Variants in SPOCD1 observed in about 807,000 individuals in gnomAD.
SPOCD1 encodes SPOC domain-containing protein 1.
A neutral mutation model predicts 92.2 loss-of-function variants in SPOCD1; 64 were observed. That is an observed-to-expected ratio of 0.69 (90% CI 0.57 to 0.86). The LOEUF (loss-of-function observed/expected upper bound fraction) is 0.86, where lower values mean the gene tolerates loss of function less well. SPOCD1 is among the 40% of genes least tolerant of loss of function. The pLI, the probability that SPOCD1 is intolerant of heterozygous loss-of-function variation, is 0.00. For synonymous variants in SPOCD1, 578 were observed against 619.3 expected (o/e 0.93, Z 0.99); for missense variants, 1,360 against 1,543.1 (o/e 0.88, Z 1.99).
At position 31,799,468 on chromosome 1, in the gene SPOCD1, TCTC is replaced by T. The variant is rs1321951210; in HGVS notation, c.1798_1800del (p.Glu600del). ...CGCACCCCAATATACAGGGATGGCT[TCTC>T]CTGTTGGAGCTGAGCTGTAGGGAGA... On this transcript the variant is annotated inframe_deletion, in exon 7 of 16. Coordinates refer to ENST00000360482, the MANE Select transcript of SPOCD1 (RefSeq NM_144569.7). The T allele has an allele frequency of 1.2e-6, 2 of 1,611,582 alleles. No homozygotes were observed. Among genetic ancestry groups the T allele is most frequent in the South Asian group, 2.2e-5 (2 of 90,444 alleles).
chr1:31,814,125 A>T lies in SPOCD1; in HGVS notation c.1209T>A (p.Thr403=), dbSNP rs1649381890. Residue 403 remains threonine, a synonymous_variant, in exon 2 of 16, where the codon ACT becomes ACA. Transcript: ENST00000360482. The surrounding 1 kb of genome is among the most constrained non-coding windows in gnomAD (Gnocchi z 4.2). ...GGCCTGAGCAGGCCCTGCTGGCTTC[A>T]GTATCCAGGGAGGAGCTGAGGCCGC... is the stretch of plus-strand genomic sequence containing the variant. ...PLGGLSSSLD[T]EASRACSGPF... 1 of 1,607,482 alleles carries T rather than the reference A, an allele frequency of 6.2e-7. No homozygotes were observed. Among genetic ancestry groups the T allele is most frequent in the African/African-American group, 1.3e-5 (1 of 74,812 alleles).
Position 31,800,565 on chromosome 1 carries a change from G to A in SPOCD1, c.1478C>T (p.Ala493Val), listed in dbSNP as rs1648386603. Residue 493 changes from alanine (A) to valine (V), a missense_variant, in exon 4 of 16, where the codon GCA becomes GTA. Physicochemically the swap from Ala to Val is moderately conservative, Grantham distance 64. Coordinates refer to ENST00000360482, the MANE Select transcript of SPOCD1 (RefSeq NM_144569.7). ...QLLGAISHGQ[A>V]GGQLPPKLEV... The stretch of plus-strand genomic sequence containing the variant: ...CAGCTTTGGTGGCAGCTGCCCCCCT[G>A]CCTGGCCGTGGCTGATGGCCCCCAG... 6.2e-7 allele frequency: 1 copy of A among 1,610,664 alleles called. No individual in the cohort carries two copies.
intron 2 of SPOCD1, among the ~76,000 whole-genome samples, chr1:31,801,911 T>C (rs1648494578): frequency 6.6e-6 from 1 of 152,202 alleles, no homozygotes; most frequent in Admixed American, 6.5e-5. Context: ...CTCACGCATG[T>C]AATCCCAGCA....
chr1:31,813,293 CAGTCTTGCTCTGTCACCAGGCTGGAGT>C (rs1649323676), intron 2 of SPOCD1, among the ~76,000 whole-genome samples: 2 of 152,152 alleles, frequency 1.3e-5, no homozygotes, highest in African/African-American at 2.4e-5. Flanking sequence ...TTGTTTTAGA[CAGTCTTGCTCTGTCACCAGGCTGGAGT>C]ACAGTGGTGC....
intron 2 of SPOCD1, 76 bp from the exon 3 acceptor site, chr1:31,801,781 A>C (rs897744013): frequency 4.0e-6 from 5 of 1,257,194 alleles, no homozygotes; most frequent in Non-Finnish European, 5.8e-6. Context: ...CACAAAAAGA[A>C]GACAATCTTG....
rs1351253114 is a variant in SPOCD1, at chr1:31,804,656, C to T, written c.1384-2951G>A. Among the ~76,000 whole-genome samples, 3 of 149,946 alleles carry T rather than the reference C, an allele frequency of 2.0e-5. No homozygotes were observed. In the Admixed American group the frequency reaches 2.0e-4, roughly 10 times the overall value. On this transcript the variant is annotated intron_variant, in intron 2 of 15. Coordinates refer to ENST00000360482, the MANE Select transcript of SPOCD1 (RefSeq NM_144569.7). ...ATAAACAAAATGCTAAAAGATAAAC[C>T]TGAGGCAGAAGGAAGGAAAAACAAT...
Position 31,793,307 on chromosome 1 carries a change from C to A in SPOCD1, c.2656G>T (p.Val886Phe). The change falls in exon 13 of 16, where the codon GTC (valine) becomes TTC (phenylalanine). Residue 886 changes from valine (V) to phenylalanine (F), a missense_variant. Physicochemically the swap from Val to Phe is conservative, Grantham distance 50 (BLOSUM62 -1). Coordinates refer to ENST00000360482, the MANE Select transcript of SPOCD1 (RefSeq NM_144569.7). ...ACAAGCCGACAGCTGTGTCCCGAGA[C>A]CAGCTGGGCCCTGGCCCGGAACCGC... Reference protein sequence around the residue: ...IKRFRARAQLVSGHSCRLVQA... With the variant: ...IKRFRARAQLFSGHSCRLVQA... 1 of 1,593,216 alleles carries A rather than the reference C, an allele frequency of 6.3e-7. No homozygotes were observed. Among genetic ancestry groups the A allele is most frequent in the Non-Finnish European group, 8.5e-7 (1 of 1,169,950 alleles).
chr1:31,790,850 C>T lies in SPOCD1; in HGVS notation c.3404G>A (p.Arg1135His), dbSNP rs762121428. The part of the protein sequence containing the change: ...SVAPAGHGFG[R>H]GQHFHRDSCP... ...GGAGTCCCTGTGGAAGTGCTGGCCA[C>T]GGCCAAAGCCATGACCAGCTGGTGC... Residue 1135 changes from arginine to histidine, a missense_variant, in exon 16 of 16, where the codon CGT becomes CAT. This residue lies in a region of SPOCD1 where 614 missense variants were observed against 757.8 expected (regional missense o/e 0.81). Transcript: ENST00000360482. 13 of 1,547,716 alleles carry T rather than the reference C, an allele frequency of 8.4e-6. No homozygotes were observed. Among genetic ancestry groups the T allele is most frequent in the Middle Eastern group, 1.7e-4 (1 of 5,842 alleles).
rs1207433481 is a variant in SPOCD1, at chr1:31,804,985, C to CTTTTTTTTTTTTTTTTTTTTTT, written c.1384-3281_1384-3280insAAAAAAAAAAAAAAAAAAAAAA. On this transcript the variant is annotated intron_variant, in intron 2 of 15. Transcript: ENST00000360482. Reference sequence around the variant, plus strand: ...AAATTTCTTTTTTCTTTCTTTCTTTCTTTTTTTTTTTTTTGAGATGGAGTC... The same window carrying CTTTTTTTTTTTTTTTTTTTTTT: ...AAATTTCTTTTTTCTTTCTTTCTTTCTTTTTTTTTTTTTTTTTTTTTTTTTTTTTTTTTTTTGAGATGGAGTC... 2.0e-3 allele frequency among the ~76,000 whole-genome samples: 213 copies of CTTTTTTTTTTTTTTTTTTTTTT among 105,870 alleles called. 4 individuals carry two copies. Among genetic ancestry groups the CTTTTTTTTTTTTTTTTTTTTTT allele is most frequent in the Middle Eastern group, 5.7e-3 (1 of 176 alleles). 69.5% of individuals were successfully genotyped at this position (105,870 alleles called of 152,430 possible).
intron 2 of SPOCD1, among the ~76,000 whole-genome samples, chr1:31,802,677 T>C (rs929090602): frequency 1.3e-5 from 2 of 152,270 alleles, no homozygotes; most frequent in East Asian, 3.8e-4. Flanking sequence ...TTTCACTTTC[T>C]ACTTGTAGGA....
chr1:31,798,132 C>G lies in SPOCD1; in HGVS notation c.2145+75G>C, dbSNP rs1648155383. 1.8e-6 allele frequency: 2 copies of G among 1,089,208 alleles called. No homozygotes were observed. The highest frequency in any genetic ancestry group is 2.8e-6 in the Non-Finnish European group (2 of 703,778). The allele number at this position is 1,089,208 out of a possible 1,614,324, so 67.5% of individuals were successfully genotyped here. A position where few individuals can be genotyped will look rare whatever the true frequency, so the allele number is the denominator to read the frequency against. The stretch of plus-strand genomic sequence containing the variant: ...CCTCCCTCCCTCCCTGTCTCTGTCT[C>G]TCCCTCTTCCACTCTCAGGCCACCC... On this transcript the variant is annotated intron_variant, in intron 9 of 15. Coordinates refer to ENST00000360482, the MANE Select transcript of SPOCD1 (RefSeq NM_144569.7). The surrounding 1 kb of genome is among the most constrained non-coding windows in gnomAD (Gnocchi z 4.1).
At position 31,790,472 on chromosome 1, in the gene SPOCD1, G is replaced by T; in HGVS notation, c.*131C>A. Reference sequence around the variant, plus strand: ...GAACAAAAAATCAACAGCAAACATTGTCAAACAGGAAGTTCAAACAGGGCA... The same window carrying T: ...GAACAAAAAATCAACAGCAAACATTTTCAAACAGGAAGTTCAAACAGGGCA... On this transcript the variant is annotated 3_prime_UTR_variant, in exon 16 of 16. Transcript: ENST00000360482. The T allele has an allele frequency of 1.2e-6, 1 of 825,030 alleles. No homozygotes were observed. The highest frequency in any genetic ancestry group is 1.9e-6 in the Non-Finnish European group (1 of 531,504). 51.1% of individuals were successfully genotyped at this position (825,030 alleles called of 1,614,324 possible).
intron 15 of SPOCD1, 80 bp from the exon 16 acceptor site, chr1:31,791,371 TG>T: frequency 8.5e-7 from 1 of 1,174,368 alleles, no homozygotes. Context: ...CACAGTGAGA[TG>T]GGGCCCATGA....
intron 3 of SPOCD1, 114 bp downstream of exon 3, chr1:31,801,550 G>T: frequency 1.1e-6 from 1 of 886,952 alleles, no homozygotes; most frequent in South Asian, 1.4e-5. Context: ...TCCACTGGGG[G>T]AGGGCAGGCT....
intron 15 of SPOCD1, 154 bp downstream of exon 15, chr1:31,792,061 G>A (rs1350485599): frequency 2.6e-6 from 2 of 770,182 alleles, no homozygotes; most frequent in Non-Finnish European, 4.1e-6. Context: ...ATCCAAGCGT[G>A]AGCTATTACT....
At chr1:31,809,042 A>G (rs2149116467) in intron 2 of SPOCD1, among the ~76,000 whole-genome samples, 1 of 151,108 alleles carries the variant, frequency 6.6e-6, no homozygotes, top group South Asian at 2.1e-4. Context: ...TACACAAATT[A>G]CCCGGGCATG....
Position 31,791,158 on chromosome 1 carries a change from C to T in SPOCD1, c.3096G>A (p.Lys1032=), listed in dbSNP as rs756137249. ...DTAGSSPWLG[K]VQKMVSFNSK... ...TGTTGAAGGAGACCATCTTTTGAAC[C>T]TTCCCCAACCAGGGGCTGGACCCTG... The change falls in exon 16 of 16, where the codon AAG becomes AAA. Residue 1032 remains lysine, a synonymous_variant. Transcript: ENST00000360482. 6.2e-7 allele frequency: 1 copy of T among 1,612,906 alleles called. No individual in the cohort carries two copies. Among genetic ancestry groups the T allele is most frequent in the Non-Finnish European group, 8.5e-7 (1 of 1,179,640 alleles).
chr1:31,799,919 A>G (rs560564285), intron 5 of SPOCD1, 56 bp from the exon 6 acceptor site: 3 of 1,613,792 alleles, frequency 1.9e-6, no homozygotes, highest in South Asian at 1.1e-5. Flanking sequence ...CTTCCAGCCC[A>G]GGGGACACTG....
At position 31,798,675 on chromosome 1, in the gene SPOCD1, G is replaced by C; in HGVS notation, c.1869-74C>G. 6.5e-7 allele frequency: 1 copy of C among 1,528,330 alleles called. No individual in the cohort carries two copies. Among genetic ancestry groups the C allele is most frequent in the East Asian group, 2.4e-5 (1 of 41,986 alleles). The allele number at this position is 1,528,330 out of a possible 1,614,324, so 94.7% of individuals were successfully genotyped here. On this transcript the variant is annotated intron_variant, in intron 7 of 15. Coordinates refer to ENST00000360482, the MANE Select transcript of SPOCD1 (RefSeq NM_144569.7). This position sits in a 1 kb window ranked among gnomAD's most constrained non-coding sequence, Gnocchi z 4.1. The stretch of plus-strand genomic sequence containing the variant: ...AGGCACTTAGTCCCAGAGGGAGGCA[G>C]CTGGGTGGGCGGCAGGGTCTGGGCC...
Sources: allele counts gnomAD v4.1 joint callset (sites outside exome capture counted in the v4.1 genomes callset), GRCh38; gene constraint gnomAD v4.1.1; regional missense constraint gnomAD v4.1.1; non-coding constraint Gnocchi (gnomAD v3.1); transcripts MANE v1.5; gene names NCBI Gene and HGNC (gene_info 2026-07-23, HGNC 2026-07-21).